The following IPO13 variants were observed in gnomAD, a reference collection of about 807,000 sequenced individuals.
IPO13 encodes the protein importin 13, also known as importin-13.
A neutral mutation model predicts 115.5 loss-of-function variants in IPO13; 28 were observed. The ratio of observed to expected loss-of-function variants is 0.24; its 90% CI spans 0.18 to 0.33. The LOEUF (loss-of-function observed/expected upper bound fraction) is 0.33, where lower values mean the gene tolerates loss of function less well. Ranked by LOEUF, IPO13 falls within the 10% of genes least tolerant of loss-of-function variation. The pLI is 1.00. For synonymous variants in IPO13, 414 were observed against 478.9 expected, an observed-to-expected ratio of 0.86 and a Z score of 1.77; for missense variants, 785 against 1,204.6, an observed-to-expected ratio of 0.65 and a Z score of 5.16.
At chr1:43,953,886 A>G (rs1177352290) in intron 2 of IPO13, among the ~76,000 whole-genome samples, 1 of 152,194 alleles carries the variant, frequency 6.6e-6, no homozygotes, top group Non-Finnish European at 1.5e-5. Flanking sequence ...GGGCCCTGAA[A>G]GAAAAGCAGA....
In IPO13 at chr1:43,967,580, C is replaced by A; in HGVS notation, c.2796-6C>A. The A allele has an allele frequency of 6.2e-7, 1 of 1,614,202 alleles. No homozygotes were observed. The highest frequency in any genetic ancestry group is 8.5e-7 in the Non-Finnish European group (1 of 1,180,026). ...GTGCTAACCTGCTCTCCCTTTTCTC[C>A]TTCAGCGAGCGAGTGAACAAGAGGC... On this transcript the variant is annotated splice_region_variant and splice_polypyrimidine_tract_variant and intron_variant, in intron 19 of 19. Transcript: ENST00000372343. This position sits in a 1 kb window ranked among gnomAD's most constrained non-coding sequence, Gnocchi z 6.1.
rs1557633411 is a variant in IPO13 at position 43,958,892 on chromosome 1, G to A, written c.2028+3G>A. On this transcript the variant is annotated splice_donor_region_variant and intron_variant, in intron 11 of 19. Coordinates refer to ENST00000372343, the MANE Select transcript of IPO13 (RefSeq NM_014652.4). The surrounding 1 kb of genome is among the most constrained non-coding windows in gnomAD (Gnocchi z 6.3). The stretch of plus-strand genomic sequence containing the variant: ...CAGTGCCACAGGGACCCAACCCCGT[G>A]GGTGACATTTGCCCACGGCAAAGAC... 6.2e-7 allele frequency: 1 copy of A among 1,613,570 alleles called. No individual in the cohort carries two copies. Among genetic ancestry groups the A allele is most frequent in the Admixed American group, 1.7e-5 (1 of 59,996 alleles).
intron 12 of IPO13, 52 bp from the exon 13 acceptor site, chr1:43,960,824 G>T: frequency 6.2e-7 from 1 of 1,608,116 alleles, no homozygotes. Flanking sequence ...CTTCAGCGCT[G>T]TTCCAGCCAG....
In IPO13 at chr1:43,952,813, T is replaced by C. The variant is rs540603536; in HGVS notation, c.821+2660T>C. Among the ~76,000 whole-genome samples, 1 of 152,354 alleles carries C rather than the reference T, an allele frequency of 6.6e-6. No homozygotes were observed. The highest frequency in any genetic ancestry group is 2.1e-4 in the South Asian group (1 of 4,832). Reference sequence around the variant, plus strand: ...TGAAGCTTTTAGCATGGTTCCTATATACTCTGTAAACGGCAGTTGCCAGTA... The same window carrying C: ...TGAAGCTTTTAGCATGGTTCCTATACACTCTGTAAACGGCAGTTGCCAGTA... On this transcript the variant is annotated intron_variant, in intron 2 of 19. Coordinates refer to ENST00000372343, the MANE Select transcript of IPO13 (RefSeq NM_014652.4). The surrounding 1 kb of genome is among the most constrained non-coding windows in gnomAD (Gnocchi z 4.7).
At chr1:43,961,319 C>A in intron 14 of IPO13, 57 bp downstream of exon 14, 1 of 1,416,978 alleles carries the variant, frequency 7.1e-7, no homozygotes, top group Non-Finnish European at 1.0e-6. Context: ...TCTGCTTCCC[C>A]AAATGGGGAG....
chr1:43,955,341 C>T (rs1213585807), intron 2 of IPO13, among the ~76,000 whole-genome samples: 1 of 152,054 alleles, frequency 6.6e-6, no homozygotes, highest in Non-Finnish European at 1.5e-5. Flanking sequence ...TCACCCCTGA[C>T]AGACTGTATT....
intron 2 of IPO13, 95 bp downstream of exon 2, chr1:43,950,248 T>C (rs892595952): frequency 1.4e-6 from 2 of 1,381,322 alleles, no homozygotes; most frequent in Non-Finnish European, 2.0e-6. Flanking sequence ...GAATGTGTAC[T>C]GATACCTGGT....
rs1201912323 is a variant in IPO13, at chr1:43,960,943, A to G, written c.2177A>G (p.Gln726Arg). ...LLDDFAPMVP[Q>R]LCEMLGRMYS... The stretch of plus-strand genomic sequence containing the variant: ...GATGACTTTGCCCCCATGGTGCCAC[A>G]GCTGTGTGAGATGCTGGGTCGGATG... The change falls in exon 13 of 20, where the codon CAG (glutamine) becomes CGG (arginine). Residue 726 changes from glutamine to arginine, a missense_variant. Gln to Arg is a conservative substitution (Grantham distance 43). Transcript: ENST00000372343. 6.2e-7 allele frequency: 1 copy of G among 1,614,212 alleles called. No individual in the cohort carries two copies. Among genetic ancestry groups the G allele is most frequent in the South Asian group, 1.1e-5 (1 of 91,084 alleles).
At position 43,966,833 on chromosome 1, in the gene IPO13, G is replaced by GCCCTT; in HGVS notation, c.2523+54_2523+55insTTCCC. The GCCCTT allele has an allele frequency of 6.2e-7, 1 of 1,609,268 alleles. No individual in the cohort carries two copies. The highest frequency in any genetic ancestry group is 8.5e-7 in the Non-Finnish European group (1 of 1,175,920). ...CACTGCCACCCCAGTGCCCTCCCCTGCCCAGGACTTCAGACAGTAGGGCTG... is the reference window on the plus strand; with the variant it reads ...CACTGCCACCCCAGTGCCCTCCCCTGCCCTTCCCAGGACTTCAGACAGTAGGGCTG... On this transcript the variant is annotated intron_variant, in intron 17 of 19. Coordinates refer to ENST00000372343, the MANE Select transcript of IPO13 (RefSeq NM_014652.4). This position sits in a 1 kb window ranked among gnomAD's most constrained non-coding sequence, Gnocchi z 4.1.
chr1:43,955,761 A>C (rs4660263), intron 2 of IPO13, among the ~76,000 whole-genome samples: 89,933 of 152,096 alleles, frequency 0.59, 31,716 homozygotes, highest in Non-Finnish European at 0.79. Context: ...ATTTATCAAA[A>C]AATGTATCTT....
chr1:43,949,515 C>G lies in IPO13; in HGVS notation c.183C>G (p.Phe61Leu). 1 of 1,614,198 alleles carries G rather than the reference C, an allele frequency of 6.2e-7. No homozygotes were observed. Among genetic ancestry groups the G allele is most frequent in the Non-Finnish European group, 8.5e-7 (1 of 1,180,026 alleles). The change falls in exon 2 of 20, where the codon TTC (phenylalanine) becomes TTG (leucine). Residue 61 changes from phenylalanine to leucine, a missense_variant. This residue lies in a region of IPO13 where 325 missense variants were observed against 449.8 expected (regional missense o/e 0.72). Coordinates refer to ENST00000372343, the MANE Select transcript of IPO13 (RefSeq NM_014652.4). ...QAQVSPQAWHFSWQLLQPDKV... is the reference protein window; with the variant it reads ...QAQVSPQAWHLSWQLLQPDKV... Reference sequence around the variant, plus strand: ...AGGTCTCCCCACAGGCCTGGCACTTCAGCTGGCAGCTACTGCAGCCCGACA... The same window carrying G: ...AGGTCTCCCCACAGGCCTGGCACTTGAGCTGGCAGCTACTGCAGCCCGACA...
intron 1 of IPO13, among the ~76,000 whole-genome samples, chr1:43,948,664 G>T (rs922205713): frequency 6.6e-6 from 1 of 152,248 alleles, no homozygotes; most frequent in African/African-American, 2.4e-5. Context: ...GGGCAGTGTT[G>T]GCATGGTGGC....
chr1:43,967,582 T>C lies in IPO13; in HGVS notation c.2796-4T>C. On this transcript the variant is annotated splice_region_variant and splice_polypyrimidine_tract_variant and intron_variant, in intron 19 of 19. Transcript: ENST00000372343. The surrounding 1 kb of genome is among the most constrained non-coding windows in gnomAD (Gnocchi z 6.1). Reference sequence around the variant, plus strand: ...GCTAACCTGCTCTCCCTTTTCTCCTTCAGCGAGCGAGTGAACAAGAGGCGG... The same window carrying C: ...GCTAACCTGCTCTCCCTTTTCTCCTCCAGCGAGCGAGTGAACAAGAGGCGG... 6.2e-7 allele frequency: 1 copy of C among 1,614,192 alleles called. No individual in the cohort carries two copies. Among genetic ancestry groups the C allele is most frequent in the Non-Finnish European group, 8.5e-7 (1 of 1,180,028 alleles).
intron 15 of IPO13, 74 bp downstream of exon 15, chr1:43,964,395 G>A (rs1394042404): frequency 1.6e-6 from 2 of 1,282,412 alleles, no homozygotes; most frequent in African/African-American, 3.0e-5. Context: ...TTCAATTTAA[G>A]CCTATTTTTA....
In IPO13 at chr1:43,967,686, G is replaced by T; in HGVS notation, c.*4G>T. On this transcript the variant is annotated 3_prime_UTR_variant, in exon 20 of 20. Transcript: ENST00000372343. The surrounding 1 kb of genome is among the most constrained non-coding windows in gnomAD (Gnocchi z 6.1). ...AGATTACACAGCTGACTACTGAGGG[G>T]TGCCCCCATCCCATCCACCCCTTCT... The T allele has an allele frequency of 6.2e-7, 1 of 1,613,622 alleles. No individual in the cohort carries two copies.
chr1:43,961,203 C>T lies in IPO13; in HGVS notation c.2285C>T (p.Pro762Leu), dbSNP rs759671078. ...HIFAHEPAHF[P>L]PIEALFLLVT... ...TTTGCTCATGAGCCTGCCCACTTTC[C>T]CCCAATTGAGGCCCTCTTCCTGCTC... The change falls in exon 14 of 20, where the codon CCC (proline) becomes CTC (leucine). Residue 762 changes from proline to leucine, a missense_variant. Transcript: ENST00000372343. The T allele has an allele frequency of 6.2e-7, 1 of 1,614,182 alleles. No homozygotes were observed. The highest frequency in any genetic ancestry group is 8.5e-7 in the Non-Finnish European group (1 of 1,180,024).
chr1:43,967,097 A>C lies in IPO13; in HGVS notation c.2613+78A>C. 7.3e-7 allele frequency: 1 copy of C among 1,370,392 alleles called. No individual in the cohort carries two copies. Among genetic ancestry groups the C allele is most frequent in the Non-Finnish European group, 1.0e-6 (1 of 959,458 alleles). The allele number at this position is 1,370,392 out of a possible 1,614,324, so 84.9% of individuals were successfully genotyped here. A position where few individuals can be genotyped will look rare whatever the true frequency, so the allele number is the denominator to read the frequency against. ...GGCAGCTGGCCTTCTGGGAGGCTTG[A>C]GCCTTTGGTCCCCTAAGCTCTCAGA... On this transcript the variant is annotated intron_variant, in intron 18 of 19. Transcript: ENST00000372343. This position sits in a 1 kb window ranked among gnomAD's most constrained non-coding sequence, Gnocchi z 6.1.
In IPO13 at chr1:43,967,471, G is replaced by A. The variant is rs370263699; in HGVS notation, c.2770G>A (p.Asp924Asn). ...TGCCCGCCTCAGCCCTGAACAGAAGGATACCTTCAGCCAGCAGATCCTTCG... is the reference window on the plus strand; with the variant it reads ...TGCCCGCCTCAGCCCTGAACAGAAGAATACCTTCAGCCAGCAGATCCTTCG... Reference protein sequence around the residue: ...PSARLSPEQKDTFSQQILRER... With the variant: ...PSARLSPEQKNTFSQQILRER... Residue 924 changes from aspartate (D) to asparagine (N), a missense_variant, in exon 19 of 20, where the codon GAT (aspartate) becomes AAT (asparagine). Transcript: ENST00000372343. The surrounding 1 kb of genome is among the most constrained non-coding windows in gnomAD (Gnocchi z 6.1). 98 of 1,614,144 alleles carry A rather than the reference G, an allele frequency of 6.1e-5. 4 individuals are homozygous for A. The highest frequency in any genetic ancestry group is 3.5e-4 in the Admixed American group (21 of 60,022).
In IPO13 at chr1:43,949,817, G is replaced by T. The variant is rs773307976; in HGVS notation, c.485G>T (p.Arg162Leu). The T allele has an allele frequency of 4.3e-6, 7 of 1,613,564 alleles. No individual in the cohort carries two copies. Among genetic ancestry groups the T allele is most frequent in the Non-Finnish European group, 5.1e-6 (6 of 1,179,884 alleles). Residue 162 changes from arginine to leucine, a missense_variant, in exon 2 of 20, where the codon CGC (arginine) becomes CTC (leucine). Coordinates refer to ENST00000372343, the MANE Select transcript of IPO13 (RefSeq NM_014652.4). ...AEDSPVDGQG[R>L]CLALLELLTV... ...GACTCACCAGTGGATGGGCAGGGCC[G>T]CTGCCTAGCCCTGTTAGAGCTGCTG...
Sources: allele counts gnomAD v4.1 joint callset (sites outside exome capture counted in the v4.1 genomes callset), GRCh38; gene constraint gnomAD v4.1.1; regional missense constraint gnomAD v4.1.1; non-coding constraint Gnocchi (gnomAD v3.1); transcripts MANE v1.5; gene names NCBI Gene and HGNC (gene_info 2026-07-23, HGNC 2026-07-21).